The following NCALD variants were observed in gnomAD, a reference collection of about 807,000 sequenced individuals.
The protein encoded by NCALD is neurocalcin delta, also known as neurocalcin-delta.
Under a neutral mutation model 18.6 loss-of-function variants are expected in NCALD, and 10 were observed. The ratio of observed to expected loss-of-function variants is 0.54; its 90% CI spans 0.33 to 0.91. The LOEUF (loss-of-function observed/expected upper bound fraction) is 0.91, where lower values mean the gene tolerates loss of function less well. NCALD is among the 40% of genes least tolerant of loss of function. NCALD has a pLI of 0.03. For missense variants in NCALD, 184 were observed against 247.6 expected (o/e 0.74, Z 1.72); for synonymous variants, 88 against 87.4 (o/e 1.01, Z -0.04).
intron 1 of NCALD, among the ~76,000 whole-genome samples, chr8:101,777,366 TA>T (rs1811836424): frequency 1.3e-5 from 2 of 152,146 alleles, no homozygotes; most frequent in Admixed American, 1.3e-4. Context: ...ACTGTATGGT[TA>T]GTGGTCTAAT....
At chr8:102,096,905 C>A (rs959835791) in intron 1 of NCALD, among the ~76,000 whole-genome samples, 1 of 152,208 alleles carries the variant, frequency 6.6e-6, no homozygotes, top group South Asian at 2.1e-4. Flanking sequence ...AACCTGGACA[C>A]CCTCCACTGG....
chr8:102,116,223 G>A (rs555481800), intron 1 of NCALD, among the ~76,000 whole-genome samples: 2 of 152,070 alleles, frequency 1.3e-5, no homozygotes, highest in African/African-American at 2.4e-5. Flanking sequence ...AAACCTGCAC[G>A]TTGTGCACAT....
At chr8:102,117,730 T>A (rs1004136449) in intron 1 of NCALD, among the ~76,000 whole-genome samples, 2 of 152,134 alleles carry the variant, frequency 1.3e-5, no homozygotes, top group Non-Finnish European at 2.9e-5. Flanking sequence ...ACACAATGAA[T>A]CAAGTATGAA....
At chr8:101,861,119 C>T (rs1186743427) in intron 4 of NCALD, among the ~76,000 whole-genome samples, 1 of 152,140 alleles carries the variant, frequency 6.6e-6, no homozygotes, top group Non-Finnish European at 1.5e-5. Flanking sequence ...GATTTCAGCT[C>T]AGTGCGTCTG....
intron 2 of NCALD, among the ~76,000 whole-genome samples, chr8:101,999,303 T>C (rs946869800): frequency 1.3e-5 from 2 of 152,114 alleles, no homozygotes; most frequent in Admixed American, 1.3e-4. Context: ...TATATATATA[T>C]ATGCATACAT....
intron 1 of NCALD, among the ~76,000 whole-genome samples, chr8:102,078,380 C>G (rs1442292497): frequency 6.6e-6 from 1 of 152,180 alleles, no homozygotes; most frequent in Non-Finnish European, 1.5e-5. Context: ...CACACAGCCA[C>G]CACAGTGATC....
intron 2 of NCALD, among the ~76,000 whole-genome samples, chr8:101,984,879 T>C (rs1051140162): frequency 1.3e-5 from 2 of 152,194 alleles, no homozygotes; most frequent in Non-Finnish European, 2.9e-5. Context: ...TTCACATCAC[T>C]GTGACTCAAC....
intron 3 of NCALD, chr8:101,915,390 C>T (rs901329959): frequency 1.6e-4 from 25 of 152,198 alleles, no homozygotes; most frequent in African/African-American, 6.0e-4. Context: ...GCCAGACTAT[C>T]TGATATCTGT....
intron 1 of NCALD, among the ~76,000 whole-genome samples, chr8:102,116,771 G>T (rs1397895071): frequency 6.6e-6 from 1 of 152,148 alleles, no homozygotes; most frequent in Non-Finnish European, 1.5e-5. Context: ...ACCTCCCAAA[G>T]TGCTGGGATT....
At chr8:102,120,249 T>C (rs539624071) in intron 1 of NCALD, among the ~76,000 whole-genome samples, 2 of 151,990 alleles carry the variant, frequency 1.3e-5, no homozygotes, top group South Asian at 4.2e-4. Context: ...TTGGTGAGAG[T>C]ATAACAATTT....
intron 1 of NCALD, among the ~76,000 whole-genome samples, chr8:102,060,271 G>T (rs187005779): frequency 1.3e-5 from 2 of 152,332 alleles, no homozygotes; most frequent in East Asian, 1.9e-4. Context: ...ATGAGCCACT[G>T]CGCCCGGCCT....
At chr8:101,712,587 C>CAAAAAAAAAAAAAAAAAAAAAAA (rs201729096) in intron 2 of NCALD, among the ~76,000 whole-genome samples, 10 of 78,898 alleles carry the variant, frequency 1.3e-4, no homozygotes, top group African/African-American at 4.2e-4. Flanking sequence ...AAATGGAAAG[C>CAAAAAAAAAAAAAAAAAAAAAAA]AAAAAAAAAA....
chr8:101,943,684 T>C (rs1165350071), intron 2 of NCALD, among the ~76,000 whole-genome samples: 1 of 151,728 alleles, frequency 6.6e-6, no homozygotes, highest in Non-Finnish European at 1.5e-5. Context: ...CTCACGCCTG[T>C]AATCCCAGCA....
At chr8:101,841,431 T>C (rs1440850299) in intron 4 of NCALD, among the ~76,000 whole-genome samples, 1 of 152,196 alleles carries the variant, frequency 6.6e-6, no homozygotes, top group Non-Finnish European at 1.5e-5. Context: ...GATACTTCTT[T>C]GTTGTAGGGG....
At position 101,689,129 on chromosome 8, in the gene NCALD, C is replaced by A; in HGVS notation, c.*180G>T. Reference sequence around the variant, plus strand: ...TCCACAAGCACACTGGGGCTCTGGGCATTCCCACGAAGCATCCACGACAAA... The same window carrying A: ...TCCACAAGCACACTGGGGCTCTGGGAATTCCCACGAAGCATCCACGACAAA... On this transcript the variant is annotated 3_prime_UTR_variant, in exon 4 of 4. Coordinates refer to ENST00000220931, the MANE Select transcript of NCALD (RefSeq NM_032041.3). The surrounding 1 kb of genome is among the most constrained non-coding windows in gnomAD (Gnocchi z 4.4). 1.4e-6 allele frequency: 1 copy of A among 709,006 alleles called. No individual in the cohort carries two copies. Among genetic ancestry groups the A allele is most frequent in the Non-Finnish European group, 2.6e-6 (1 of 389,660 alleles). 43.9% of individuals were successfully genotyped at this position (709,006 alleles called of 1,614,324 possible).
intron 4 of NCALD, among the ~76,000 whole-genome samples, chr8:101,838,831 G>T (rs1260272326): frequency 6.6e-6 from 1 of 152,194 alleles, no homozygotes; most frequent in Non-Finnish European, 1.5e-5. Flanking sequence ...AATATCAGAG[G>T]TCAGTATCAT....
At chr8:101,893,839 T>A (rs1344207172) in intron 3 of NCALD, among the ~76,000 whole-genome samples, 84 of 141,072 alleles carry the variant, frequency 6.0e-4, no homozygotes, top group African/African-American at 1.4e-3. Context: ...ATGCACCCAA[T>A]ACAGGAGCAC....
intron 1 of NCALD, among the ~76,000 whole-genome samples, chr8:101,789,465 T>C (rs1812368694): frequency 2.6e-5 from 4 of 152,174 alleles, no homozygotes; most frequent in Non-Finnish European, 5.9e-5. Context: ...TGAGAAATTA[T>C]TGATATACCC....
chr8:101,828,329 T>C (rs1398209866), intron 4 of NCALD, among the ~76,000 whole-genome samples: 2 of 152,164 alleles, frequency 1.3e-5, no homozygotes, highest in African/African-American at 2.4e-5. Context: ...TCCCGATTAC[T>C]ACCCCGATTC....
Sources: allele counts gnomAD v4.1 joint callset (sites outside exome capture counted in the v4.1 genomes callset), GRCh38; gene constraint gnomAD v4.1.1; non-coding constraint Gnocchi (gnomAD v3.1); transcripts MANE v1.5; gene names NCBI Gene and HGNC (gene_info 2026-07-23, HGNC 2026-07-21).